The following NAV3 variants were observed in gnomAD, a reference collection of about 807,000 sequenced individuals.
The protein encoded by NAV3 is pore membrane and/or filament interacting like protein 1.
A neutral mutation model predicts 244.7 loss-of-function variants in NAV3; 87 were observed. That is an observed-to-expected ratio of 0.36 (90% confidence interval 0.30 to 0.42). NAV3 has a LOEUF of 0.42. Among genes scored for constraint, NAV3 ranks in the 20% least tolerant of loss-of-function variants. The probability of loss-of-function intolerance (pLI) is 1.00; values close to 1 mark genes in which losing one functional copy is unlikely to be tolerated. For synonymous variants in NAV3, 1,126 were observed against 1,042.2 expected (o/e 1.08, Z -1.55); for missense variants, 2,663 against 2,893.3 (o/e 0.92, Z 1.83).
intron 9 of NAV3, among the ~76,000 whole-genome samples, chr12:78,030,892 AC>A (rs1878866037): frequency 1.3e-5 from 2 of 151,880 alleles, no homozygotes; most frequent in Admixed American, 1.3e-4. Context: ...TTCTTAACTT[AC>A]TCTTTTCATT....
At chr12:77,927,461 C>A (rs1464245959) in intron 1 of NAV3, among the ~76,000 whole-genome samples, 1 of 152,166 alleles carries the variant, frequency 6.6e-6, no homozygotes, top group Non-Finnish European at 1.5e-5. Context: ...CTGTTGCCAC[C>A]TTGGGAAAAT....
chr12:78,201,482 CT>C (rs985945871), intron 38 of NAV3, among the ~76,000 whole-genome samples: 13 of 151,926 alleles, frequency 8.6e-5, no homozygotes, highest in Non-Finnish European at 1.8e-4. Context: ...TTCACAGCAT[CT>C]TTGCTCTTCC....
At chr12:77,809,953 A>G (rs1872199739) in intron 2 of NAV3, among the ~76,000 whole-genome samples, 1 of 152,188 alleles carries the variant, frequency 6.6e-6, no homozygotes, top group South Asian at 2.1e-4. Flanking sequence ...ATTGAATTGT[A>G]AAATATTTTT....
At chr12:77,909,250 A>T (rs982696420) in intron 1 of NAV3, among the ~76,000 whole-genome samples, 1 of 152,102 alleles carries the variant, frequency 6.6e-6, no homozygotes, top group Non-Finnish European at 1.5e-5. Context: ...CACTATCTGT[A>T]TCTTAACATA....
intron 2 of NAV3, among the ~76,000 whole-genome samples, chr12:77,821,628 CTT>C (rs1362660481): frequency 2.0e-5 from 3 of 152,088 alleles, no homozygotes; most frequent in African/African-American, 4.8e-5. Context: ...GTGTGCCACT[CTT>C]TTATGTTTTA....
At chr12:77,646,703 G>T (rs1872619614) in intron 2 of NAV3, among the ~76,000 whole-genome samples, 1 of 152,040 alleles carries the variant, frequency 6.6e-6, no homozygotes, top group Non-Finnish European at 1.5e-5. Flanking sequence ...CAAGATGTTG[G>T]GGTTGGGGGT....
chr12:77,880,634 C>T (rs191344312), intron 1 of NAV3, among the ~76,000 whole-genome samples: 51 of 152,162 alleles, frequency 3.4e-4, no homozygotes, highest in South Asian at 1.0e-3. Flanking sequence ...AAAGATATGC[C>T]GCATATATGA....
rs1449689317 is a variant in NAV3, at chr12:78,021,807, A to G, written c.1968A>G (p.Thr656=). Residue 656 remains threonine, a synonymous_variant, in exon 9 of 40, where the codon ACA becomes ACG. Coordinates refer to ENST00000397909, the MANE Select transcript of NAV3 (RefSeq NM_001024383.2). Reference sequence around the variant, plus strand: ...CGGCTGACTCCTGTACCAGTCCTACAAAGATGGACTTATCATATAGTAAGA... The same window carrying G: ...CGGCTGACTCCTGTACCAGTCCTACGAAGATGGACTTATCATATAGTAAGA... ...LPSADSCTSP[T]KMDLSYSKTA... is the part of the protein sequence containing the mutation. The G allele has an allele frequency of 1.2e-6, 2 of 1,611,592 alleles. No homozygotes were observed. The highest frequency in any genetic ancestry group is 1.7e-5 in the Admixed American group (1 of 59,918).
intron 9 of NAV3, among the ~76,000 whole-genome samples, chr12:78,043,204 G>A (rs1391979561): frequency 6.6e-6 from 1 of 152,042 alleles, no homozygotes; most frequent in South Asian, 2.1e-4. Flanking sequence ...CTGTTCCTGT[G>A]TTAGTTTGCA....
At chr12:78,067,514 C>T (rs949912854) in intron 12 of NAV3, among the ~76,000 whole-genome samples, 4 of 152,090 alleles carry the variant, frequency 2.6e-5, no homozygotes, top group South Asian at 2.1e-4. Context: ...ATTAACTGTG[C>T]CCATTGTGAA....
At chr12:78,051,953 A>T (rs1449035278) in intron 11 of NAV3, among the ~76,000 whole-genome samples, 11 of 152,192 alleles carry the variant, frequency 7.2e-5, no homozygotes, top group Admixed American at 7.2e-4. Flanking sequence ...AAGGAAACTG[A>T]GTCTAATTGG....
chr12:77,678,242 T>C (rs1874292669), intron 2 of NAV3, among the ~76,000 whole-genome samples: 2 of 152,172 alleles, frequency 1.3e-5, no homozygotes, highest in African/African-American at 4.8e-5. Context: ...TTTAAAAATG[T>C]ATAACCAATC....
At position 77,976,668 on chromosome 12, in the gene NAV3, T is replaced by TTC. The variant is rs1565979419; in HGVS notation, c.671+7967_671+7968insCT. On this transcript the variant is annotated intron_variant, in intron 5 of 39. Transcript: ENST00000397909. ...ATTCTTTCTTTCTTTCTTTCTTTCT[T>TTC]TTTTTCTTTTTTTTTTTTTTTTTTG... Among the ~76,000 whole-genome samples, 45 of 58,124 alleles carry TTC rather than the reference T, an allele frequency of 7.7e-4. 4 individuals are homozygous for TTC. The South Asian group carries it at 0.011, about 14-fold the overall frequency. The allele number at this position is 58,124 out of a possible 152,430, so 38.1% of individuals were successfully genotyped here.
At position 77,674,031 on chromosome 12, in the gene NAV3, A is replaced by G. The variant is rs1267146866; in HGVS notation, c.72+101765A>G. On this transcript the variant is annotated intron_variant, in intron 2 of 8. Transcript: ENST00000550042. The stretch of plus-strand genomic sequence containing the variant: ...AACTAATATCCCAGGTCATGAAATG[A>G]ACCATCATTTCCAAAGGAGTCTTAA... 2.0e-5 allele frequency among the ~76,000 whole-genome samples: 3 copies of G among 152,134 alleles called. No homozygotes were observed. In the East Asian group the frequency reaches 5.8e-4, roughly 29 times the overall value.
chr12:77,925,684 T>C (rs1239675665), intron 1 of NAV3, among the ~76,000 whole-genome samples: 1 of 152,152 alleles, frequency 6.6e-6, no homozygotes, highest in Non-Finnish European at 1.5e-5. Context: ...TAGCCGATGG[T>C]CTTGCAGGTA....
intron 2 of NAV3, among the ~76,000 whole-genome samples, chr12:77,588,925 G>T (rs1237381145): frequency 6.6e-6 from 1 of 152,194 alleles, no homozygotes; most frequent in Non-Finnish European, 1.5e-5. Context: ...ACTAGGGAAT[G>T]AAGGCAGTGG....
intron 1 of NAV3, among the ~76,000 whole-genome samples, chr12:77,866,057 T>G (rs562418084): frequency 6.6e-6 from 1 of 152,266 alleles, no homozygotes; most frequent in South Asian, 2.1e-4. Flanking sequence ...AAATATACTT[T>G]GCAAAGAGTA....
chr12:77,707,296 A>C (rs1035691955), intron 2 of NAV3, among the ~76,000 whole-genome samples: 1 of 144,748 alleles, frequency 6.9e-6, no homozygotes, highest in Non-Finnish European at 1.5e-5. Flanking sequence ...TCTATGAGTG[A>C]GAACATGTGG....
At chr12:77,773,187 C>T (rs143391847) in intron 2 of NAV3, among the ~76,000 whole-genome samples, 1 of 151,478 alleles carries the variant, frequency 6.6e-6, no homozygotes, top group African/African-American at 2.4e-5. Flanking sequence ...AAGTGTTGAT[C>T]ATTACTGAAT....
Sources: gnomAD v4.1 joint callset for allele counts (sites outside exome capture counted in the v4.1 genomes callset) on GRCh38, gnomAD v4.1.1 for gene constraint, MANE v1.5 for transcripts, NCBI Gene and HGNC (gene_info 2026-07-23, HGNC 2026-07-21) for gene names.